REG3G: variants seen among roughly 807,000 people sequenced by gnomAD.
REG3G encodes regenerating islet-derived protein 3-gamma.
REG3G carries 19 observed loss-of-function variants against 20.9 expected under a neutral mutation model. The ratio of observed to expected loss-of-function variants is 0.91; its 90% confidence interval spans 0.64 to 1.34. The LOEUF (loss-of-function observed/expected upper bound fraction) is 1.34, where lower values mean the gene tolerates loss of function less well. Among genes scored for constraint, REG3G ranks in the 40% most tolerant of loss-of-function variants. REG3G has a pLI of 0.00. For missense variants in REG3G, 235 were observed against 205.0 expected (o/e 1.15, Z -0.89); for synonymous variants, 89 against 77.4 (o/e 1.15, Z -0.79).
In REG3G at chr2:79,026,799, T is replaced by G; in HGVS notation, c.163T>G (p.Phe55Val). The change falls in exon 3 of 6, where the codon TTT becomes GTT. Residue 55 changes from phenylalanine to valine, a missense_variant. Physicochemically the swap from Phe to Val is conservative, Grantham distance 50. Coordinates refer to ENST00000272324, the MANE Select transcript of REG3G (RefSeq NM_001008387.3). Reference protein sequence around the residue: ...KAYGSPCYALFLSPKSWMDAD... With the variant: ...KAYGSPCYALVLSPKSWMDAD... ...CTATGGCTCCCCCTGCTATGCCTTG[T>G]TTTTGTCACCAAAATCCTGGATGGA... 6.2e-7 allele frequency: 1 copy of G among 1,613,304 alleles called. No homozygotes were observed. The highest frequency in any genetic ancestry group is 8.5e-7 in the Non-Finnish European group (1 of 1,179,798).
chr2:79,026,021 A>G lies in REG3G; in HGVS notation c.-73A>G. 2 of 1,412,430 alleles carry G rather than the reference A, an allele frequency of 1.4e-6. No individual in the cohort carries two copies. Among genetic ancestry groups the G allele is most frequent in the Admixed American group, 1.7e-5 (1 of 58,784 alleles). 87.5% of individuals were successfully genotyped at this position (1,412,430 alleles called of 1,614,324 possible). ...CAGAAGGAAAAAGACAAGAGGCAGT[A>G]GGATATCTGTGTGTCCTCCCGCTGA... is the stretch of plus-strand genomic sequence containing the variant. On this transcript the variant is annotated 5_prime_UTR_variant, in exon 2 of 6. Coordinates refer to ENST00000272324, the MANE Select transcript of REG3G (RefSeq NM_001008387.3).
rs1330825720 is a variant in REG3G at position 79,025,754 on chromosome 2, T to C, written c.-131T>C. The C allele has an allele frequency of 4.0e-6, 1 of 248,080 alleles. No homozygotes were observed. The highest frequency in any genetic ancestry group is 2.2e-5 in the African/African-American group (1 of 45,324). The allele number at this position is 248,080 out of a possible 1,614,324, so 15.4% of individuals were successfully genotyped here. A position where few individuals can be genotyped will look rare whatever the true frequency, so the allele number is the denominator to read the frequency against. On this transcript the variant is annotated 5_prime_UTR_variant, in exon 1 of 6. Transcript: ENST00000272324. The stretch of plus-strand genomic sequence containing the variant: ...CAGTCTTTGCTGACCAGACAAAGCA[T>C]ACCAGATCTCACCAGAGAGGTAAGT...
chr2:79,027,771 C>T (rs1671661364), intron 4 of REG3G, 36 bp from the exon 5 acceptor site: 1 of 1,613,144 alleles, frequency 6.2e-7, no homozygotes, highest in Non-Finnish European at 8.5e-7. Flanking sequence ...CTGCAATGGC[C>T]ATTTTCTTCA....
At position 79,026,067 on chromosome 2, in the gene REG3G, C is replaced by A. The variant is rs556270870; in HGVS notation, c.-27C>A. 5.6e-6 allele frequency: 9 copies of A among 1,611,586 alleles called. No individual in the cohort carries two copies. The highest frequency in any genetic ancestry group is 7.6e-6 in the Non-Finnish European group (9 of 1,177,842). On this transcript the variant is annotated 5_prime_UTR_variant, in exon 2 of 6. Transcript: ENST00000272324. ...GCTGACCACACTTCCTTTAGTGACC[C>A]GATTGCCTCCTCAAGTCGCAGACAC... is the stretch of plus-strand genomic sequence containing the variant.
intron 4 of REG3G, 34 bp from the exon 5 acceptor site, chr2:79,027,773 T>C: frequency 6.2e-7 from 1 of 1,613,240 alleles, no homozygotes; most frequent in Non-Finnish European, 8.5e-7. Context: ...GCAATGGCCA[T>C]TTTCTTCACC....
In REG3G at chr2:79,026,120, T is replaced by C. The variant is rs150562823; in HGVS notation, c.27T>C (p.Ser9=). MLPPMALP[S]VSWMLLSCLI... is the part of the protein sequence containing the mutation. The stretch of plus-strand genomic sequence containing the variant: ...TGCTGCCTCCCATGGCCCTGCCCAG[T>C]GTGTCCTGGATGCTGCTTTCCTGCC... The change falls in exon 2 of 6, where the codon AGT becomes AGC. Residue 9 remains serine, a synonymous_variant. Transcript: ENST00000272324. 8.6e-5 allele frequency: 138 copies of C among 1,613,894 alleles called. No individual in the cohort carries two copies. Among genetic ancestry groups the C allele is most frequent in the Non-Finnish European group, 9.7e-5 (115 of 1,179,916 alleles).
Position 79,027,141 on chromosome 2 carries a change from C to T in REG3G, c.303C>T (p.Tyr101=), listed in dbSNP as rs763132798. Reference sequence around the variant, plus strand: ...GGAGCATTAGTAACAGCTATTCATACATCTGGATTGGGCTCCATGACCCCA... The same window carrying T: ...GGAGCATTAGTAACAGCTATTCATATATCTGGATTGGGCTCCATGACCCCA... The part of the protein sequence containing the change: ...LVRSISNSYS[Y]IWIGLHDPTQ... The change falls in exon 4 of 6, where the codon TAC becomes TAT. Residue 101 remains tyrosine (Y), a synonymous_variant. Coordinates refer to ENST00000272324, the MANE Select transcript of REG3G (RefSeq NM_001008387.3). 5 of 1,613,668 alleles carry T rather than the reference C, an allele frequency of 3.1e-6. No individual in the cohort carries two copies. The highest frequency in any genetic ancestry group is 1.3e-5 in the African/African-American group (1 of 74,908).
Position 79,028,336 on chromosome 2 carries a change from G to C in REG3G, c.*60G>C. 9.1e-7 allele frequency: 1 copy of C among 1,097,060 alleles called. No individual in the cohort carries two copies. The highest frequency in any genetic ancestry group is 2.4e-5 in the East Asian group (1 of 42,332). The allele number at this position is 1,097,060 out of a possible 1,614,324, so 68.0% of individuals were successfully genotyped here. A position where few individuals can be genotyped will look rare whatever the true frequency, so the allele number is the denominator to read the frequency against. Reference sequence around the variant, plus strand: ...GCAGCTCATCATGGACATGAGACCAGTGTGAAGACTCACCCTGGAAGAGAA... The same window carrying C: ...GCAGCTCATCATGGACATGAGACCACTGTGAAGACTCACCCTGGAAGAGAA... On this transcript the variant is annotated 3_prime_UTR_variant, in exon 6 of 6. Coordinates refer to ENST00000272324, the MANE Select transcript of REG3G (RefSeq NM_001008387.3).
In REG3G at chr2:79,027,724, A is replaced by G; in HGVS notation, c.334-83A>G. 2.0e-6 allele frequency: 3 copies of G among 1,509,276 alleles called. No homozygotes were observed. The South Asian group carries it at 3.5e-5, about 18-fold the overall frequency. The allele number at this position is 1,509,276 out of a possible 1,614,324, so 93.5% of individuals were successfully genotyped here. The stretch of plus-strand genomic sequence containing the variant: ...ACCAAAATCCCTGATGCTGGGGAGG[A>G]ATCAGGTGTTACAGCTCAGGGGCCA... On this transcript the variant is annotated intron_variant, in intron 4 of 5. Coordinates refer to ENST00000272324, the MANE Select transcript of REG3G (RefSeq NM_001008387.3).
At chr2:79,026,263 G>C (rs924798997) in intron 2 of REG3G, 94 bp downstream of exon 2, 3 of 1,269,818 alleles carry the variant, frequency 2.4e-6, no homozygotes, top group Non-Finnish European at 3.4e-6. Context: ...AGGTAATGAC[G>C]TGGTGTCTAA....
chr2:79,026,363 G>A, intron 2 of REG3G, 194 bp downstream of exon 2: 1 of 623,878 alleles, frequency 1.6e-6, no homozygotes, highest in Non-Finnish European at 2.8e-6. Flanking sequence ...ACAATGGAAT[G>A]AGATGGCTTC....
chr2:79,026,145 C>G lies in REG3G; in HGVS notation c.52C>G (p.Leu18Val). The G allele has an allele frequency of 6.2e-7, 1 of 1,614,002 alleles. No individual in the cohort carries two copies. Among genetic ancestry groups the G allele is most frequent in the Non-Finnish European group, 8.5e-7 (1 of 1,179,888 alleles). Residue 18 changes from leucine (L) to valine (V), a missense_variant, in exon 2 of 6, where the codon CTC becomes GTC. By Grantham distance (32) the Leu-to-Val change is conservative (BLOSUM62 1). Transcript: ENST00000272324. ...TGTGTCCTGGATGCTGCTTTCCTGC[C>G]TCATTCTCCTGTGTCAGGTTCAAGG... ...PSVSWMLLSCLILLCQVQGEE... is the reference protein window; with the variant it reads ...PSVSWMLLSCVILLCQVQGEE...
At chr2:79,027,379 A>C in intron 4 of REG3G, 1 of 547,162 alleles carries the variant, frequency 1.8e-6, no homozygotes, top group South Asian at 2.9e-5. Context: ...AATTAGTCGG[A>C]CTCTTGTAAA....
In REG3G at chr2:79,028,417, C is replaced by T; in HGVS notation, c.*141C>T. 3 of 589,950 alleles carry T rather than the reference C, an allele frequency of 5.1e-6. No homozygotes were observed. The highest frequency in any genetic ancestry group is 9.2e-6 in the Non-Finnish European group (3 of 327,156). 36.5% of individuals were successfully genotyped at this position (589,950 alleles called of 1,614,324 possible). Reference sequence around the variant, plus strand: ...CTTGTCATGATCCTCCTTCTTTTTCCTTTTTCTTCACCTTCATTTCAGGCT... The same window carrying T: ...CTTGTCATGATCCTCCTTCTTTTTCTTTTTTCTTCACCTTCATTTCAGGCT... On this transcript the variant is annotated 3_prime_UTR_variant, in exon 6 of 6. Coordinates refer to ENST00000272324, the MANE Select transcript of REG3G (RefSeq NM_001008387.3).
At chr2:79,026,551 AG>A in intron 2 of REG3G, 161 bp from the exon 3 acceptor site, 1 of 640,922 alleles carries the variant, frequency 1.6e-6, no homozygotes, top group South Asian at 2.0e-5. Context: ...CCCATTTAGT[AG>A]GGCTATTTTG....
chr2:79,026,031 T>A lies in REG3G; in HGVS notation c.-63T>A. On this transcript the variant is annotated 5_prime_UTR_variant, in exon 2 of 6. Coordinates refer to ENST00000272324, the MANE Select transcript of REG3G (RefSeq NM_001008387.3). ...AAGACAAGAGGCAGTAGGATATCTG[T>A]GTGTCCTCCCGCTGACCACACTTCC... 3.3e-6 allele frequency: 5 copies of A among 1,503,970 alleles called. No individual in the cohort carries two copies. Among genetic ancestry groups the A allele is most frequent in the Non-Finnish European group, 4.6e-6 (5 of 1,081,230 alleles). The allele number at this position is 1,503,970 out of a possible 1,614,324, so 93.2% of individuals were successfully genotyped here.
chr2:79,028,142 T>C lies in REG3G; in HGVS notation c.461-67T>C, dbSNP rs1178222792. 11 of 1,337,456 alleles carry C rather than the reference T, an allele frequency of 8.2e-6. No homozygotes were observed. The Admixed American group carries it at 1.7e-4, about 21-fold the overall frequency. 82.8% of individuals were successfully genotyped at this position (1,337,456 alleles called of 1,614,324 possible). A position where few individuals can be genotyped will look rare whatever the true frequency, so the allele number is the denominator to read the frequency against. On this transcript the variant is annotated intron_variant, in intron 5 of 5. Coordinates refer to ENST00000272324, the MANE Select transcript of REG3G (RefSeq NM_001008387.3). ...AAGCTTTAAATCCTAGGCTAAAACC[T>C]GGGATGCCTCTTCACTGGGTTCACA... is the stretch of plus-strand genomic sequence containing the variant.
At chr2:79,027,678 G>T (rs1447011181) in intron 4 of REG3G, 129 bp from the exon 5 acceptor site, 4 of 1,013,256 alleles carry the variant, frequency 3.9e-6, no homozygotes, top group Non-Finnish European at 6.0e-6. Flanking sequence ...GAGGACTCTA[G>T]GGCAGCATCT....
At chr2:79,025,831 G>T in intron 1 of REG3G, 58 bp downstream of exon 1, 1 of 446,024 alleles carries the variant, frequency 2.2e-6, no homozygotes, top group Non-Finnish European at 4.1e-6. Flanking sequence ...CATAATACAG[G>T]AGAACGCATG....
Sources: gnomAD v4.1 joint callset for allele counts on GRCh38, gnomAD v4.1.1 for gene constraint, MANE v1.5 for transcripts, NCBI Gene and HGNC (gene_info 2026-07-23, HGNC 2026-07-21) for gene names.